ZNF263: variants seen among roughly 807,000 people sequenced by gnomAD.
ZNF263 encodes the protein zinc finger protein FPM315.
ZNF263 carries 49 observed loss-of-function variants against 63.1 expected under a neutral mutation model. That is an observed-to-expected ratio of 0.78 (90% CI 0.62 to 0.99). The LOEUF (loss-of-function observed/expected upper bound fraction) is 0.99. ZNF263 is among the 50% of genes least tolerant of loss of function. The pLI is 0.00. For missense variants in ZNF263, 872 were observed against 854.8 expected (o/e 1.02, Z -0.25); for synonymous variants, 352 against 324.2 (o/e 1.09, Z -0.92).
At chr16:3,288,635 A>AT in intron 5 of ZNF263, 65 bp downstream of exon 5, 3 of 1,300,492 alleles carry the variant, frequency 2.3e-6, no homozygotes, top group Admixed American at 2.2e-5. Context: ...AGAGTGAGGC[A>AT]TTTTTTGGTT....
downstream of ZNF263, among the ~76,000 whole-genome samples, chr16:3,296,217 G>C (rs1959739830): frequency 6.6e-6 from 1 of 152,112 alleles, no homozygotes; most frequent in African/African-American, 2.4e-5. Flanking sequence ...CTATTGTCTA[G>C]TACATGAAAC....
intron 2 of ZNF263, chr16:3,299,640 G>C: frequency 1.3e-6 from 2 of 1,564,690 alleles, no homozygotes; most frequent in East Asian, 2.2e-5. Context: ...GTTGAATCAA[G>C]GTTGAAGTGT....
At chr16:3,297,541 T>C (rs1959791736) in intron 1 of ZNF263, among the ~76,000 whole-genome samples, 1 of 135,210 alleles carries the variant, frequency 7.4e-6, no homozygotes, top group Non-Finnish European at 1.5e-5. Flanking sequence ...CTCGGCTCAC[T>C]GCAAGCTCCG....
At position 3,286,116 on chromosome 16, in the gene ZNF263, G is replaced by C; in HGVS notation, c.736G>C (p.Val246Leu). 5 of 1,605,836 alleles carry C rather than the reference G, an allele frequency of 3.1e-6. No homozygotes were observed. Among genetic ancestry groups the C allele is most frequent in the Non-Finnish European group, 4.2e-6 (5 of 1,177,766 alleles). Residue 246 changes from valine to leucine, a missense_variant, in exon 4 of 6, where the codon GTG becomes CTG. Physicochemically the swap from Val to Leu is conservative, Grantham distance 32. Coordinates refer to ENST00000219069, the MANE Select transcript of ZNF263 (RefSeq NM_005741.5). ...PSKRALSRDT[V>L]QESYENVDSL... ...TAAGAGGGCCCTCTCCAGGGACACG[G>C]TGCAGGAGAGTTATGAGAATGTGGA...
rs775233980 is a variant in ZNF263 at position 3,285,169 on chromosome 16, C to G, written c.498C>G (p.Ser166Arg). 2 of 1,614,088 alleles carry G rather than the reference C, an allele frequency of 1.2e-6. No individual in the cohort carries two copies. Among genetic ancestry groups the G allele is most frequent in the Admixed American group, 3.3e-5 (2 of 60,018 alleles). Residue 166 changes from serine to arginine, a missense_variant, in exon 2 of 6, where the codon AGC (serine) becomes AGG (arginine). Physicochemically the swap from Ser to Arg is moderately radical, Grantham distance 110 (BLOSUM62 -1). Transcript: ENST00000219069. ...FKLEPMETER[S>R]PGPRLQELLG... ...TGGAGCCAATGGAGACTGAGCGAAGCCCTGGCCCCAGGCTGCAGGAGCTGC... is the reference window on the plus strand; with the variant it reads ...TGGAGCCAATGGAGACTGAGCGAAGGCCTGGCCCCAGGCTGCAGGAGCTGC...
chr16:3,289,488 G>A lies in ZNF263; in HGVS notation c.982G>A (p.Val328Met), dbSNP rs1476697376. 2 of 1,552,080 alleles carry A rather than the reference G, an allele frequency of 1.3e-6. No individual in the cohort carries two copies. The highest frequency in any genetic ancestry group is 1.9e-5 in the Admixed American group (1 of 51,458). ...VLLPDQARGE[V>M]PWSPELGRPH... The stretch of plus-strand genomic sequence containing the variant: ...GCTTCCTGACCAGGCCCGAGGGGAG[G>A]TGCCCTGGAGTCCTGAGCTGGGAAG... The change falls in exon 6 of 6, where the codon GTG (valine) becomes ATG (methionine). Residue 328 changes from valine (V) to methionine (M), a missense_variant. Transcript: ENST00000219069.
At chr16:3,287,991 C>T (rs1328122002) in intron 4 of ZNF263, among the ~76,000 whole-genome samples, 1 of 151,880 alleles carries the variant, frequency 6.6e-6, no homozygotes, top group East Asian at 1.9e-4. Flanking sequence ...GTGGCTCACA[C>T]CTGTAATCCC....
chr16:3,285,789 C>T, intron 3 of ZNF263, 35 bp downstream of exon 3: 1 of 1,609,638 alleles, frequency 6.2e-7, no homozygotes, highest in Non-Finnish European at 8.5e-7. Flanking sequence ...CCCCCCAGCA[C>T]CCTTCCTCCC....
In ZNF263 at chr16:3,289,848, C is replaced by T; in HGVS notation, c.1342C>T (p.His448Tyr). ...ECGKCFSQNTHLTRHQRTHTG... is the reference protein window; with the variant it reads ...ECGKCFSQNTYLTRHQRTHTG... The stretch of plus-strand genomic sequence containing the variant: ...TGGGAAATGCTTCAGTCAGAACACC[C>T]ATCTGACTCGCCACCAACGCACCCA... Residue 448 changes from histidine (H) to tyrosine (Y), a missense_variant, in exon 6 of 6, where the codon CAT (histidine) becomes TAT (tyrosine). Coordinates refer to ENST00000219069, the MANE Select transcript of ZNF263 (RefSeq NM_005741.5). 3 of 1,614,220 alleles carry T rather than the reference C, an allele frequency of 1.9e-6. No homozygotes were observed. The highest frequency in any genetic ancestry group is 2.5e-6 in the Non-Finnish European group (3 of 1,180,052).
At chr16:3,288,392 G>T in intron 4 of ZNF263, 62 bp from the exon 5 acceptor site, 1 of 1,233,750 alleles carries the variant, frequency 8.1e-7, no homozygotes, top group South Asian at 1.2e-5. Context: ...GAACAAGACT[G>T]TTTCCCTACC....
At chr16:3,297,127 A>G (rs1959767968) in intron 1 of ZNF263, among the ~76,000 whole-genome samples, 5 of 151,804 alleles carry the variant, frequency 3.3e-5, no homozygotes, top group Non-Finnish European at 7.4e-5. Context: ...ACATGGTGAA[A>G]CCTCGTCTCT....
chr16:3,284,075 T>A lies in ZNF263; in HGVS notation c.257T>A (p.Leu86Ter). 1 of 1,613,716 alleles carries A rather than the reference T, an allele frequency of 6.2e-7. No homozygotes were observed. Residue 86 changes from leucine to a stop codon, truncating the protein, a stop_gained, in exon 1 of 6, where the codon TTA becomes TAA. Transcript: ENST00000219069. LOFTEE classifies it high-confidence loss of function. ...TKEQILELLVLEQFLTILPQE... is the reference protein window; with the variant it reads ...TKEQILELLV ...GAGCAGATCTTGGAGCTGCTGGTGT[T>A]AGAGCAGTTCCTGACCATCCTGCCC...
chr16:3,295,416 G>A (rs1018105007), downstream of ZNF263, among the ~76,000 whole-genome samples: 56 of 152,178 alleles, frequency 3.7e-4, no homozygotes, highest in Admixed American at 3.7e-3. Flanking sequence ...TTCCCGCCCG[G>A]GCGGTGTATG....
intron 4 of ZNF263, 49 bp downstream of exon 4, chr16:3,286,198 G>A: frequency 1.3e-6 from 2 of 1,535,880 alleles, no homozygotes; most frequent in Non-Finnish European, 1.7e-6. Context: ...TCTGACCAGG[G>A]TCCTGCCCGT....
downstream of ZNF263, among the ~76,000 whole-genome samples, chr16:3,293,935 G>C (rs193224449): frequency 2.0e-5 from 3 of 152,212 alleles, no homozygotes; most frequent in Non-Finnish European, 4.4e-5. Context: ...TTTTTGTTTT[G>C]TTTTGTTTGA....
At chr16:3,287,168 C>A (rs564296566) in intron 4 of ZNF263, among the ~76,000 whole-genome samples, 21 of 152,324 alleles carry the variant, frequency 1.4e-4, no homozygotes, top group African/African-American at 5.1e-4. Context: ...ACTAATTCTG[C>A]AAACGCAATC....
chr16:3,289,591 G>A lies in ZNF263; in HGVS notation c.1085G>A (p.Ser362Asn). ...GAGCAGGCCTTGGCAGGAGCCTCAA[G>A]TGGCAGAGAACTGGGGCGACCGAAG... ...GMEQALAGAS[S>N]GRELGRPKEL... Residue 362 changes from serine to asparagine, a missense_variant, in exon 6 of 6, where the codon AGT (serine) becomes AAT (asparagine). By Grantham distance (46) the Ser-to-Asn change is conservative (BLOSUM62 1). Transcript: ENST00000219069. 1 of 1,614,138 alleles carries A rather than the reference G, an allele frequency of 6.2e-7. No homozygotes were observed. The highest frequency in any genetic ancestry group is 1.7e-5 in the Admixed American group (1 of 60,028).
rs1959597912 is a variant in ZNF263, at chr16:3,291,084, C to G, written c.*526C>G. Reference sequence around the variant, plus strand: ...CCCAGTTGGGAAGCCATGGGCAGTCCAGATCAAGCCACCACGTGCCCTACG... The same window carrying G: ...CCCAGTTGGGAAGCCATGGGCAGTCGAGATCAAGCCACCACGTGCCCTACG... On this transcript the variant is annotated 3_prime_UTR_variant, in exon 6 of 6. Coordinates refer to ENST00000219069, the MANE Select transcript of ZNF263 (RefSeq NM_005741.5). 1 of 990,012 alleles carries G rather than the reference C, an allele frequency of 1.0e-6. No individual in the cohort carries two copies. The highest frequency in any genetic ancestry group is 1.1e-4 in the East Asian group (1 of 8,902). 61.3% of individuals were successfully genotyped at this position (990,012 alleles called of 1,614,324 possible). A position where few individuals can be genotyped will look rare whatever the true frequency, so the allele number is the denominator to read the frequency against.
rs973064356 is a variant in ZNF263 at position 3,289,997 on chromosome 16, G to C, written c.1491G>C (p.Glu497Asp). ...CCTACAAGTGCCCTGAGTGTGGGGA[G>C]ATCTTTGCTCACAGTTCCAACCTCC... ...EKPYKCPECG[E>D]IFAHSSNLLR... Residue 497 changes from glutamate (E) to aspartate (D), a missense_variant, in exon 6 of 6, where the codon GAG (glutamate) becomes GAC (aspartate). Glu to Asp is a conservative substitution (Grantham distance 45). Transcript: ENST00000219069. 9.9e-6 allele frequency: 16 copies of C among 1,613,724 alleles called. No individual in the cohort carries two copies. Among genetic ancestry groups the C allele is most frequent in the African/African-American group, 1.3e-5 (1 of 74,816 alleles).
Sources: gnomAD v4.1 joint callset for allele counts (sites outside exome capture counted in the v4.1 genomes callset) on GRCh38, gnomAD v4.1.1 for gene constraint, MANE v1.5 for transcripts, NCBI Gene and HGNC (gene_info 2026-07-23, HGNC 2026-07-21) for gene names.